Variants in ESPL1 observed in about 807,000 individuals in gnomAD.
ESPL1 encodes the protein separin.
Under a neutral mutation model 217.2 loss-of-function variants are expected in ESPL1, and 50 were observed. That is an observed-to-expected ratio of 0.23 (90% CI 0.18 to 0.29). ESPL1 has a LOEUF of 0.29. ESPL1 is among the 10% of genes least tolerant of loss of function. The pLI, the probability that ESPL1 is intolerant of heterozygous loss-of-function variation, is 1.00. For synonymous variants in ESPL1, 994 were observed against 1,081.3 expected, an observed-to-expected ratio of 0.92 and a Z score of 1.58; for missense variants, 1,834 against 2,603.0, an observed-to-expected ratio of 0.70 and a Z score of 6.43.
In ESPL1 at chr12:53,276,758, G is replaced by A. The variant is rs772945895; in HGVS notation, c.1839G>A (p.Leu613=). 1.8e-5 allele frequency: 29 copies of A among 1,613,672 alleles called. No homozygotes were observed. Among genetic ancestry groups the A allele is most frequent in the Non-Finnish European group, 2.4e-5 (28 of 1,180,026 alleles). Reference sequence around the variant, plus strand: ...ACATCATCTGTGACCTCCTGGAGCTGAGCCCCGAGGAGACACCAGCCGGGG... The same window carrying A: ...ACATCATCTGTGACCTCCTGGAGCTAAGCCCCGAGGAGACACCAGCCGGGG... ...RFNIICDLLE[L]SPEETPAGAW... The change falls in exon 8 of 31, where the codon CTG becomes CTA. Residue 613 remains leucine (L), a synonymous_variant. Coordinates refer to ENST00000257934, the MANE Select transcript of ESPL1 (RefSeq NM_012291.5).
rs745310810 is a variant in ESPL1, at chr12:53,288,256, C to T, written c.4461C>T (p.Thr1487=). ...GGCCTGGCCCTGAGATCATGAGGACCATCCCTGAGGAAGAACTGACTGACA... is the reference window on the plus strand; with the variant it reads ...GGCCTGGCCCTGAGATCATGAGGACTATCCCTGAGGAAGAACTGACTGACA... ...QARPGPEIMR[T]IPEEELTDNW... is the part of the protein sequence containing the mutation. The change falls in exon 19 of 31, where the codon ACC becomes ACT. Residue 1487 remains threonine (T), a synonymous_variant. Transcript: ENST00000257934. The T allele has an allele frequency of 8.1e-6, 13 of 1,608,434 alleles. No homozygotes were observed. Among genetic ancestry groups the T allele is most frequent in the African/African-American group, 2.7e-5 (2 of 75,028 alleles).
In ESPL1 at chr12:53,269,864, C is replaced by T; in HGVS notation, c.922C>T (p.Pro308Ser). 1 of 1,614,214 alleles carries T rather than the reference C, an allele frequency of 6.2e-7. No individual in the cohort carries two copies. Among genetic ancestry groups the T allele is most frequent in the South Asian group, 1.1e-5 (1 of 91,090 alleles). ...VKLLQVGEEG[P>S]QAVAKLLIKA... ...GCTGCTGCAGGTTGGGGAGGAAGGA[C>T]CTCAGGCAGTGGCCAAGCTTCTGAT... Residue 308 changes from proline (P) to serine (S), a missense_variant, in exon 3 of 31, where the codon CCT (proline) becomes TCT (serine). Coordinates refer to ENST00000257934, the MANE Select transcript of ESPL1 (RefSeq NM_012291.5). The surrounding 1 kb of genome is among the most constrained non-coding windows in gnomAD (Gnocchi z 6.7).
Position 53,277,476 on chromosome 12 carries a change from G to C in ESPL1, c.2092G>C (p.Glu698Gln). 1 of 1,613,992 alleles carries C rather than the reference G, an allele frequency of 6.2e-7. No homozygotes were observed. Residue 698 changes from glutamate (E) to glutamine (Q), a missense_variant, in exon 10 of 31, where the codon GAG becomes CAG. Coordinates refer to ENST00000257934, the MANE Select transcript of ESPL1 (RefSeq NM_012291.5). The stretch of plus-strand genomic sequence containing the variant: ...CCCCGATCTTCCCATCCAGGGTATC[G>C]AGCGGGATCGGAGAGCCCAGGCCCC... ...TLEAKMQEGI[E>Q]RDRRAQAPGN... is the part of the protein sequence containing the mutation.
chr12:53,289,522 G>A lies in ESPL1; in HGVS notation c.5041G>A (p.Ala1681Thr). ...CATCCAGCGCCTCTTTTCCTTCAGG[G>A]CTTTGGAATCTGGCCACTTCCCCCA... ...ARIQRLFSFR[A>T]LESGHFPQPE... The change falls in exon 22 of 31, where the codon GCT (alanine) becomes ACT (threonine). Residue 1681 changes from alanine to threonine, a missense_variant. Coordinates refer to ENST00000257934, the MANE Select transcript of ESPL1 (RefSeq NM_012291.5). The A allele has an allele frequency of 6.2e-7, 1 of 1,614,180 alleles. No homozygotes were observed. Among genetic ancestry groups the A allele is most frequent in the South Asian group, 1.1e-5 (1 of 91,092 alleles).
Position 53,288,161 on chromosome 12 carries a change from C to T in ESPL1, c.4366C>T (p.Arg1456Trp), listed in dbSNP as rs145892138. ...PGNPGLNGRS[R>W]RAKKVASRHC... ...GAACCCTGGCCTGAATGGCAGGAGC[C>T]GGAGGGCCAAGAAGGTGGCATCAAG... Residue 1456 changes from arginine (R) to tryptophan (W), a missense_variant, in exon 19 of 31, where the codon CGG becomes TGG. This residue lies in a region of ESPL1 where 681 missense variants were observed against 808.0 expected (regional missense o/e 0.84). Transcript: ENST00000257934. The T allele has an allele frequency of 1.5e-3, 2,491 of 1,612,860 alleles. 50 individuals carry two copies. The South Asian group carries it at 0.025, about 16-fold the overall frequency.
chr12:53,288,852 A>G (rs1481344707), intron 20 of ESPL1, 153 bp downstream of exon 20: 6 of 744,490 alleles, frequency 8.1e-6, no homozygotes, highest in Non-Finnish European at 1.3e-5. Context: ...AGCTGTGTGC[A>G]GGTCACTTAA....
chr12:53,281,569 G>A lies in ESPL1; in HGVS notation c.2562G>A (p.Leu854=). The change falls in exon 13 of 31, where the codon CTG becomes CTA. Residue 854 remains leucine (L), a synonymous_variant. Transcript: ENST00000257934. The part of the protein sequence containing the change: ...KHLDQTTDTY[L]LLSLTCDLLR... ...TCGATCAGACTACTGACACATACCT[G>A]CTCCTTTCCCTGACCTGTGATCTGC... is the stretch of plus-strand genomic sequence containing the variant. 6.2e-7 allele frequency: 1 copy of A among 1,613,576 alleles called. No individual in the cohort carries two copies. Among genetic ancestry groups the A allele is most frequent in the Non-Finnish European group, 8.5e-7 (1 of 1,179,548 alleles).
intron 5 of ESPL1, among the ~76,000 whole-genome samples, chr12:53,271,774 A>G (rs1377003026): frequency 6.6e-6 from 1 of 152,156 alleles, no homozygotes; most frequent in East Asian, 1.9e-4. Flanking sequence ...AGCTGCATAA[A>G]TAAGTTATTA....
chr12:53,281,440 AT>A, intron 12 of ESPL1, 66 bp from the exon 13 acceptor site: 1 of 1,557,960 alleles, frequency 6.4e-7, no homozygotes, highest in Middle Eastern at 1.8e-4. Flanking sequence ...GGCCACCCTT[AT>A]TTACTCCAGT....
chr12:53,274,945 A>G lies in ESPL1; in HGVS notation c.1635A>G (p.Pro545=). 1 of 1,596,396 alleles carries G rather than the reference A, an allele frequency of 6.3e-7. No individual in the cohort carries two copies. The highest frequency in any genetic ancestry group is 8.5e-7 in the Non-Finnish European group (1 of 1,171,996). The change falls in exon 7 of 31, where the codon CCA becomes CCG. Residue 545 remains proline (P), a synonymous_variant. Coordinates refer to ENST00000257934, the MANE Select transcript of ESPL1 (RefSeq NM_012291.5). ...QPCSPEHMAE[P]VTFWVRVKMD... ...GTAGCCCTGAACACATGGCTGAGCC[A>G]GTCACTTTCTGGGTTCGGGTCAAGA...
At chr12:53,285,409 T>C (rs1943930572) in intron 17 of ESPL1, among the ~76,000 whole-genome samples, 1 of 152,076 alleles carries the variant, frequency 6.6e-6, no homozygotes, top group Admixed American at 6.6e-5. Flanking sequence ...GAGCTGCAGG[T>C]GTGGGGGCTT....
chr12:53,276,203 C>CT (rs1360488539), intron 7 of ESPL1, among the ~76,000 whole-genome samples: 1 of 151,718 alleles, frequency 6.6e-6, no homozygotes. Flanking sequence ...GTGAGACTGT[C>CT]TAAAAAAAAA....
chr12:53,289,222 A>G lies in ESPL1; in HGVS notation c.4841A>G (p.Tyr1614Cys). ...TTGTGCCTGGGCCACCGGGATCCTT[A>G]TGCCACTGCTTTCCTTGTCACCGAG... is the stretch of plus-strand genomic sequence containing the variant. The part of the protein sequence containing the change: ...LALCLGHRDP[Y>C]ATAFLVTESV... Residue 1614 changes from tyrosine (Y) to cysteine (C), a missense_variant, in exon 21 of 31, where the codon TAT becomes TGT. Physicochemically the swap from Tyr to Cys is radical, Grantham distance 194. Around this residue, in one of 5 missense-constraint regions of ESPL1, gnomAD observed 681 missense variants for 808.0 expected, o/e 0.84. Coordinates refer to ENST00000257934, the MANE Select transcript of ESPL1 (RefSeq NM_012291.5). 6.2e-7 allele frequency: 1 copy of G among 1,613,518 alleles called. No homozygotes were observed. Among genetic ancestry groups the G allele is most frequent in the South Asian group, 1.1e-5 (1 of 91,082 alleles).
Position 53,269,150 on chromosome 12 carries a change from C to T in ESPL1, c.208C>T (p.His70Tyr). Reference protein sequence around the residue: ...QLTAKLACPRHLGSLLELAEL... With the variant: ...QLTAKLACPRYLGSLLELAEL... ...GACTGCTAAGCTAGCTTGCCCTAGGCATCTGGGGAGCCTGCTGGAGCTGGC... is the reference window on the plus strand; with the variant it reads ...GACTGCTAAGCTAGCTTGCCCTAGGTATCTGGGGAGCCTGCTGGAGCTGGC... The change falls in exon 3 of 31, where the codon CAT (histidine) becomes TAT (tyrosine). Residue 70 changes from histidine (H) to tyrosine (Y), a missense_variant. His to Tyr is a moderately conservative substitution (Grantham distance 83). Around this residue, in one of 5 missense-constraint regions of ESPL1, gnomAD observed 746 missense variants for 1,077.0 expected, o/e 0.69. Transcript: ENST00000257934. This position sits in a 1 kb window ranked among gnomAD's most constrained non-coding sequence, Gnocchi z 6.7. 6.2e-7 allele frequency: 1 copy of T among 1,614,204 alleles called. No homozygotes were observed. Among genetic ancestry groups the T allele is most frequent in the Non-Finnish European group, 8.5e-7 (1 of 1,180,038 alleles).
Position 53,290,610 on chromosome 12 carries a change from G to A in ESPL1, c.5364+141G>A, listed in dbSNP as rs141034683. On this transcript the variant is annotated intron_variant, in intron 24 of 30. Transcript: ENST00000257934. ...AGTGTAGACCTAAATTTAAAAATATGTCACCTGGGGAGAACTTCAGAGCCC... is the reference window on the plus strand; with the variant it reads ...AGTGTAGACCTAAATTTAAAAATATATCACCTGGGGAGAACTTCAGAGCCC... 171 of 350,264 alleles carry A rather than the reference G, an allele frequency of 4.9e-4. 1 individual carries two copies. In the East Asian group the frequency reaches 0.02, roughly 42 times the overall value. 21.7% of individuals were successfully genotyped at this position (350,264 alleles called of 1,614,324 possible). A position where few individuals can be genotyped will look rare whatever the true frequency, so the allele number is the denominator to read the frequency against.
At position 53,283,239 on chromosome 12, in the gene ESPL1, A is replaced by C; in HGVS notation, c.2902A>C (p.Thr968Pro). The change falls in exon 15 of 31, where the codon ACA becomes CCA. Residue 968 changes from threonine (T) to proline (P), a missense_variant. Transcript: ENST00000257934. The stretch of plus-strand genomic sequence containing the variant: ...CTCAACTCAGAAAGCAGCTGTGGAG[A>C]CATCGTTTTTGGACTATGGTGAGTC... ...ILSTQKAAVE[T>P]SFLDYGENLV... The C allele has an allele frequency of 3.1e-6, 5 of 1,614,194 alleles. No individual in the cohort carries two copies. The highest frequency in any genetic ancestry group is 4.2e-6 in the Non-Finnish European group (5 of 1,180,034).
At position 53,288,062 on chromosome 12, in the gene ESPL1, C is replaced by G. The variant is rs750601771; in HGVS notation, c.4267C>G (p.Arg1423Gly). 1 of 1,613,602 alleles carries G rather than the reference C, an allele frequency of 6.2e-7. No individual in the cohort carries two copies. The highest frequency in any genetic ancestry group is 8.5e-7 in the Non-Finnish European group (1 of 1,179,988). Residue 1423 changes from arginine to glycine, a missense_variant, in exon 19 of 31, where the codon CGG (arginine) becomes GGG (glycine). Coordinates refer to ENST00000257934, the MANE Select transcript of ESPL1 (RefSeq NM_012291.5). Reference sequence around the variant, plus strand: ...GCCTAAGAGACGGGGCACTGCTTCCCGGGGCCGGGGGCGAGCAAGGAAGGG... The same window carrying G: ...GCCTAAGAGACGGGGCACTGCTTCCGGGGGCCGGGGGCGAGCAAGGAAGGG... The part of the protein sequence containing the change: ...EEPKRRGTAS[R>G]GRGRARKGLS...
chr12:53,270,689 G>A lies in ESPL1; in HGVS notation c.1260G>A (p.Leu420=). The change falls in exon 5 of 31, where the codon TTG becomes TTA. Residue 420 remains leucine (L), a synonymous_variant. Transcript: ENST00000257934. ...DFAQGCQIVD[L]ADLTQLVDSC... Reference sequence around the variant, plus strand: ...TCTTGTCCCTTCAGATAGTTGATTTGGCTGACCTGACCCAACTAGTGGACA... The same window carrying A: ...TCTTGTCCCTTCAGATAGTTGATTTAGCTGACCTGACCCAACTAGTGGACA... The A allele has an allele frequency of 6.2e-7, 1 of 1,614,120 alleles. No homozygotes were observed. The highest frequency in any genetic ancestry group is 8.5e-7 in the Non-Finnish European group (1 of 1,180,022).
At chr12:53,280,318 G>A (rs143979738) in intron 12 of ESPL1, among the ~76,000 whole-genome samples, 2 of 152,130 alleles carry the variant, frequency 1.3e-5, no homozygotes, top group East Asian at 1.9e-4. Flanking sequence ...CAGCGCTTAC[G>A]GCTGCAGTGT....
Sources: allele counts gnomAD v4.1 joint callset (sites outside exome capture counted in the v4.1 genomes callset), GRCh38; gene constraint gnomAD v4.1.1; regional missense constraint gnomAD v4.1.1; non-coding constraint Gnocchi (gnomAD v3.1); transcripts MANE v1.5; gene names NCBI Gene and HGNC (gene_info 2026-07-23, HGNC 2026-07-21).